The following NXN variants were observed in gnomAD, a reference collection of about 807,000 sequenced individuals.
The protein encoded by NXN is nucleoredoxin 1.
In NXN, 16 loss-of-function variants were observed where a neutral mutation model predicts 48.6. The observed-to-expected ratio is 0.33, with a 90% confidence interval of 0.22 to 0.50. The LOEUF (loss-of-function observed/expected upper bound fraction) is 0.50. Ranked by LOEUF, NXN falls within the 20% of genes least tolerant of loss-of-function variation. The pLI is 0.98. For synonymous variants in NXN, 281 were observed against 269.6 expected, an observed-to-expected ratio of 1.04 and a Z score of -0.41; for missense variants, 492 against 605.5, an observed-to-expected ratio of 0.81 and a Z score of 1.97.
chr17:939,341 C>A (rs946228710), intron 1 of NXN, among the ~76,000 whole-genome samples: 14 of 141,428 alleles, frequency 9.9e-5, no homozygotes, highest in African/African-American at 3.4e-4. Flanking sequence ...TATTAGAAAT[C>A]AGCTTTTTTT....
chr17:834,063 G>A (rs928483819), intron 1 of NXN, among the ~76,000 whole-genome samples: 1 of 152,094 alleles, frequency 6.6e-6, no homozygotes, highest in Non-Finnish European at 1.5e-5. Flanking sequence ...CTCACGCCTG[G>A]AATCCCAGCA....
intron 1 of NXN, among the ~76,000 whole-genome samples, chr17:856,950 C>T: frequency 6.6e-6 from 1 of 151,982 alleles, no homozygotes; most frequent in East Asian, 1.9e-4. Context: ...AACCTCAAAA[C>T]TCTTCCGACT....
intron 1 of NXN, among the ~76,000 whole-genome samples, chr17:973,778 C>A (rs1397667927): frequency 1.3e-5 from 2 of 151,942 alleles, no homozygotes; most frequent in Non-Finnish European, 2.9e-5. Flanking sequence ...CTCTCGGGTT[C>A]AAGCGATTCT....
chr17:847,295 A>G (rs2067875012), intron 1 of NXN, among the ~76,000 whole-genome samples: 1 of 151,846 alleles, frequency 6.6e-6, no homozygotes, highest in Admixed American at 6.6e-5. Flanking sequence ...GCCCAGTTAT[A>G]AACCCCGTGT....
At chr17:972,774 G>A (rs893231104) in intron 1 of NXN, among the ~76,000 whole-genome samples, 1 of 152,234 alleles carries the variant, frequency 6.6e-6, no homozygotes, top group African/African-American at 2.4e-5. Flanking sequence ...GCTCACGCCT[G>A]TAATCCCAGC....
At position 919,769 on chromosome 17, in the gene NXN, G is replaced by A. The variant is rs938144936; in HGVS notation, c.360+59550C>T. On this transcript the variant is annotated intron_variant, in intron 1 of 7. Transcript: ENST00000336868. This position sits in a 1 kb window ranked among gnomAD's most constrained non-coding sequence, Gnocchi z 5.1. ...CAGAAAATACAACTAGGGGCAGAGC[G>A]GTCCGGCACAAAACACCAGGAAACG... Among the ~76,000 whole-genome samples, 18 of 152,054 alleles carry A rather than the reference G, an allele frequency of 1.2e-4. No homozygotes were observed. The highest frequency in any genetic ancestry group is 2.5e-4 in the Non-Finnish European group (17 of 68,018).
intron 1 of NXN, among the ~76,000 whole-genome samples, chr17:948,037 ACT>A (rs896872700): frequency 1.3e-5 from 2 of 151,898 alleles, no homozygotes; most frequent in African/African-American, 4.8e-5. Flanking sequence ...GGTGACAGAG[ACT>A]CTCTCTCAAA....
chr17:829,418 G>A (rs1489012060), intron 1 of NXN, among the ~76,000 whole-genome samples: 1 of 150,014 alleles, frequency 6.7e-6, no homozygotes, highest in Non-Finnish European at 1.5e-5. Context: ...GCCTCCCAAA[G>A]TGCTGGGATT....
intron 1 of NXN, among the ~76,000 whole-genome samples, chr17:878,524 C>CAG (rs2068246046): frequency 2.6e-5 from 1 of 38,546 alleles, no homozygotes; most frequent in African/African-American, 1.1e-4. Flanking sequence ...GGTTTGGGGG[C>CAG]AGGGGAGGGG....
intron 1 of NXN, among the ~76,000 whole-genome samples, chr17:860,805 CAT>C (rs2144777873): frequency 6.6e-6 from 1 of 152,374 alleles, no homozygotes; most frequent in African/African-American, 2.4e-5. Flanking sequence ...TGAGCAGAAA[CAT>C]GTGACCCTAA....
At chr17:974,402 G>A (rs751308529) in intron 1 of NXN, among the ~76,000 whole-genome samples, 6 of 151,892 alleles carry the variant, frequency 4.0e-5, no homozygotes, top group Admixed American at 6.6e-5. Flanking sequence ...CCTCATAACC[G>A]TTTTACAGTT....
chr17:839,548 C>T (rs993511872), intron 1 of NXN, among the ~76,000 whole-genome samples: 6 of 152,028 alleles, frequency 3.9e-5, no homozygotes, highest in African/African-American at 1.2e-4. Flanking sequence ...CGGCAGCTCA[C>T]GCCTGTAACT....
chr17:954,898 C>G (rs112124945), intron 1 of NXN, among the ~76,000 whole-genome samples: 1 of 152,234 alleles, frequency 6.6e-6, no homozygotes, highest in African/African-American at 2.4e-5. Context: ...TATTCCCCCT[C>G]TTAAGAGCTC....
chr17:868,947 A>C (rs1489409278), intron 1 of NXN, among the ~76,000 whole-genome samples: 1 of 152,198 alleles, frequency 6.6e-6, no homozygotes, highest in Non-Finnish European at 1.5e-5. Flanking sequence ...CTGCAGCCAG[A>C]GAAAGACACA....
intron 1 of NXN, among the ~76,000 whole-genome samples, chr17:901,301 G>A (rs1044332050): frequency 6.6e-6 from 1 of 152,154 alleles, no homozygotes; most frequent in African/African-American, 2.4e-5. Context: ...GGATCTGTGG[G>A]GGGAGATGAT....
chr17:834,047 C>T (rs532055823), intron 1 of NXN, among the ~76,000 whole-genome samples: 6 of 152,306 alleles, frequency 3.9e-5, no homozygotes, highest in East Asian at 1.9e-4. Context: ...GGGCCAGGTG[C>T]GGTGGCTCAC....
At chr17:884,912 G>A (rs1282972758) in intron 1 of NXN, among the ~76,000 whole-genome samples, 2 of 152,170 alleles carry the variant, frequency 1.3e-5, no homozygotes, top group Non-Finnish European at 2.9e-5. Flanking sequence ...GAAAGTGTGG[G>A]CTTTCCCCCA....
rs575782029 is a variant in NXN at position 868,784 on chromosome 17, A to G, written c.361-42706T>C. On this transcript the variant is annotated intron_variant, in intron 1 of 7. Coordinates refer to ENST00000336868, the MANE Select transcript of NXN (RefSeq NM_022463.5). ...TGGGATGACAGGCGTGAGCCACCGC[A>G]CCCGGTCGAAACTACCTTCTCTACA... Among the ~76,000 whole-genome samples, 22 of 152,058 alleles carry G rather than the reference A, an allele frequency of 1.4e-4. No homozygotes were observed. In the East Asian group the frequency reaches 2.5e-3, roughly 17 times the overall value.
chr17:839,349 C>T (rs372254273), intron 1 of NXN, among the ~76,000 whole-genome samples: 4 of 151,840 alleles, frequency 2.6e-5, no homozygotes, highest in South Asian at 2.1e-4. Context: ...ACAGGAGAAT[C>T]GCTTGAACCT....
Sources: gnomAD v4.1 joint callset for allele counts (sites outside exome capture counted in the v4.1 genomes callset) on GRCh38, gnomAD v4.1.1 for gene constraint, Gnocchi (gnomAD v3.1) non-coding constraint, MANE v1.5 for transcripts, NCBI Gene and HGNC (gene_info 2026-07-23, HGNC 2026-07-21) for gene names.